WIZ: variants seen among roughly 807,000 people sequenced by gnomAD.
WIZ encodes WIZ zinc finger, also known as protein Wiz.
A neutral mutation model predicts 140.2 loss-of-function variants in WIZ; 25 were observed. That is an observed-to-expected ratio of 0.18 (90% CI 0.13 to 0.25). The LOEUF (loss-of-function observed/expected upper bound fraction) is 0.25. WIZ is among the 10% of genes least tolerant of loss of function. WIZ has a pLI of 1.00. For missense variants in WIZ, 2,231 were observed against 2,632.6 expected, an observed-to-expected ratio of 0.85 and a Z score of 3.34; for synonymous variants, 1,125 against 1,154.3, an observed-to-expected ratio of 0.97 and a Z score of 0.51.
chr19:15,441,095 T>G (rs532955373), intron 3 of WIZ, among the ~76,000 whole-genome samples: 1 of 152,222 alleles, frequency 6.6e-6, no homozygotes, highest in South Asian at 2.1e-4. Flanking sequence ...AGGCTGCTTC[T>G]GTCTTGGTTC....
At chr19:15,431,938 G>C (rs1437425968) in intron 5 of WIZ, among the ~76,000 whole-genome samples, 1 of 152,194 alleles carries the variant, frequency 6.6e-6, no homozygotes, top group Non-Finnish European at 1.5e-5. Context: ...CAAATTTAGA[G>C]TTCAGAGCAA....
Position 15,424,430 on chromosome 19 carries a change from G to A in WIZ, c.5315-52C>T. 6.3e-7 allele frequency: 1 copy of A among 1,577,266 alleles called. No homozygotes were observed. Among genetic ancestry groups the A allele is most frequent in the Non-Finnish European group, 8.6e-7 (1 of 1,164,820 alleles). On this transcript the variant is annotated intron_variant, in intron 11 of 12. Transcript: ENST00000673675. This position sits in a 1 kb window ranked among gnomAD's most constrained non-coding sequence, Gnocchi z 9.7. ...GAGTGGGAGGGGTGGATGCTGCAGA[G>A]ACTTGGAATACACAAGAGCTGAGGA...
chr19:15,425,070 A>G, intron 10 of WIZ, 38 bp from the exon 11 acceptor site: 1 of 1,523,564 alleles, frequency 6.6e-7, no homozygotes, highest in Non-Finnish European at 8.8e-7. Context: ...TCACAGCCCA[A>G]AGGGGGCAGG....
chr19:15,434,978 C>G (rs1969466601), intron 5 of WIZ, among the ~76,000 whole-genome samples: 1 of 151,964 alleles, frequency 6.6e-6, no homozygotes, highest in African/African-American at 2.4e-5. Flanking sequence ...CCTGTAATCC[C>G]AGCACTTTGG....
intron 2 of WIZ, among the ~76,000 whole-genome samples, chr19:15,445,139 T>G (rs1460568173): frequency 6.6e-6 from 1 of 152,218 alleles, no homozygotes; most frequent in Non-Finnish European, 1.5e-5. Flanking sequence ...GCAGTGGCCA[T>G]GCCAAGGGGC....
At chr19:15,441,787 T>C (rs893192633) in intron 3 of WIZ, among the ~76,000 whole-genome samples, 4 of 152,152 alleles carry the variant, frequency 2.6e-5, no homozygotes, top group Non-Finnish European at 5.9e-5. Context: ...GTGGCAAGGA[T>C]TCAGTGGGGA....
chr19:15,422,762 T>C lies in WIZ; in HGVS notation c.*314A>G, dbSNP rs562643618. On this transcript the variant is annotated 3_prime_UTR_variant, in exon 13 of 13. Coordinates refer to ENST00000673675, the MANE Select transcript of WIZ (RefSeq NM_001371589.1). ...GGCAGACATCGCCCTGCCTGGCTGC[T>C]AGACGGGGGAGTGCTGTCCTCCCCT... is the stretch of plus-strand genomic sequence containing the variant. 2.4e-6 allele frequency: 1 copy of C among 416,166 alleles called. No individual in the cohort carries two copies. Among genetic ancestry groups the C allele is most frequent in the Non-Finnish European group, 4.3e-6 (1 of 230,004 alleles). The allele number at this position is 416,166 out of a possible 1,614,324, so 25.8% of individuals were successfully genotyped here. A position where few individuals can be genotyped will look rare whatever the true frequency, so the allele number is the denominator to read the frequency against.
At chr19:15,447,966 G>T in intron 2 of WIZ, 137 bp downstream of exon 2, 1 of 1,008,618 alleles carries the variant, frequency 9.9e-7, no homozygotes. Flanking sequence ...ACTAAACAGA[G>T]TACAAAGAAA....
chr19:15,448,817 C>G (rs977275829), intron 1 of WIZ, among the ~76,000 whole-genome samples: 1 of 152,134 alleles, frequency 6.6e-6, no homozygotes. Flanking sequence ...TCCTATACAC[C>G]GTCAGGAGTC....
Position 15,428,362 on chromosome 19 carries a change from C to G in WIZ, c.3562G>C (p.Val1188Leu), listed in dbSNP as rs557094557. ...DPDAKGSPIDVLHGLIRRDGV... is the reference protein window; with the variant it reads ...DPDAKGSPIDLLHGLIRRDGV... The stretch of plus-strand genomic sequence containing the variant: ...TCCCTCCTGATGAGCCCGTGGAGCA[C>G]GTCTATGGGGGATCCCTTGGCGTCC... Residue 1188 changes from valine to leucine, a missense_variant, in exon 8 of 13, where the codon GTG (valine) becomes CTG (leucine). Physicochemically the swap from Val to Leu is conservative, Grantham distance 32 (BLOSUM62 1). Coordinates refer to ENST00000673675, the MANE Select transcript of WIZ (RefSeq NM_001371589.1). This position sits in a 1 kb window ranked among gnomAD's most constrained non-coding sequence, Gnocchi z 6.4. 9.1e-6 allele frequency: 14 copies of G among 1,535,356 alleles called. No individual in the cohort carries two copies. In the Admixed American group the frequency reaches 1.6e-4, roughly 17 times the overall value.
chr19:15,427,623 G>A lies in WIZ; in HGVS notation c.3815-90C>T. 1 of 1,373,634 alleles carries A rather than the reference G, an allele frequency of 7.3e-7. No individual in the cohort carries two copies. The highest frequency in any genetic ancestry group is 9.8e-7 in the Non-Finnish European group (1 of 1,023,282). The allele number at this position is 1,373,634 out of a possible 1,614,324, so 85.1% of individuals were successfully genotyped here. A position where few individuals can be genotyped will look rare whatever the true frequency, so the allele number is the denominator to read the frequency against. The stretch of plus-strand genomic sequence containing the variant: ...TGTCCTGGTCGGCTGGGCGTGGGCG[G>A]CAGCAGCACGCCCACAGGTTAGGGT... On this transcript the variant is annotated intron_variant, in intron 8 of 12. Coordinates refer to ENST00000673675, the MANE Select transcript of WIZ (RefSeq NM_001371589.1). The surrounding 1 kb of genome is among the most constrained non-coding windows in gnomAD (Gnocchi z 6.4).
chr19:15,431,560 AC>A (rs1334370722), intron 5 of WIZ, among the ~76,000 whole-genome samples: 1 of 152,214 alleles, frequency 6.6e-6, no homozygotes, highest in Non-Finnish European at 1.5e-5. Context: ...GGAATTCAAC[AC>A]AACACCAGGG....
rs1296117032 is a variant in WIZ at position 15,434,260 on chromosome 19, A to T, written c.2740+2546T>A. Among the ~76,000 whole-genome samples, 233 of 115,562 alleles carry T rather than the reference A, an allele frequency of 2.0e-3. 1 individual carries two copies. The highest frequency in any genetic ancestry group is 7.9e-3 in the African/African-American group (229 of 28,916). 75.8% of individuals were successfully genotyped at this position (115,562 alleles called of 152,430 possible). ...GCGACAGAGCAGGACTCCATCTTTA[A>T]AAAAAAAAAAAAAAAAAAGGGCCAG... On this transcript the variant is annotated intron_variant, in intron 5 of 12. Coordinates refer to ENST00000673675, the MANE Select transcript of WIZ (RefSeq NM_001371589.1).
rs773293838 is a variant in WIZ at position 15,425,235 on chromosome 19, G to A, written c.4894+6C>T. On this transcript the variant is annotated splice_donor_region_variant and intron_variant, in intron 10 of 12. Coordinates refer to ENST00000673675, the MANE Select transcript of WIZ (RefSeq NM_001371589.1). The stretch of plus-strand genomic sequence containing the variant: ...CCCTCCCAGGACCCTGCCGCCCGCT[G>A]CTTACAGGAGTGGGAGGTCTTCTCA... 1 of 1,570,962 alleles carries A rather than the reference G, an allele frequency of 6.4e-7. No individual in the cohort carries two copies. Among genetic ancestry groups the A allele is most frequent in the South Asian group, 1.2e-5 (1 of 85,980 alleles).
At chr19:15,437,505 A>T (rs1271546086) in intron 4 of WIZ, among the ~76,000 whole-genome samples, 1 of 152,234 alleles carries the variant, frequency 6.6e-6, no homozygotes, top group African/African-American at 2.4e-5. Context: ...TCTATAAAAA[A>T]ATTAGCTGGG....
Position 15,425,266 on chromosome 19 carries a change from G to A in WIZ, c.4869C>T (p.Thr1623=), listed in dbSNP as rs765435863. ...AGGAGTGGGAGGTCTTCTCATGAAG[G>A]GTCTTTGCCTTGAAGGGCAGTTCAG... ...IQTELPFKAK[T]LHEKTSHSST... The change falls in exon 10 of 13, where the codon ACC becomes ACT. Residue 1623 remains threonine, a synonymous_variant. Transcript: ENST00000673675. The A allele has an allele frequency of 1.9e-6, 3 of 1,589,710 alleles. No individual in the cohort carries two copies. The highest frequency in any genetic ancestry group is 2.6e-6 in the Non-Finnish European group (3 of 1,168,916).
At position 15,421,611 on chromosome 19, in the gene WIZ, TG is replaced by T. The variant is rs1428411009; in HGVS notation, c.*1464del. The T allele has an allele frequency of 6.6e-6, 1 of 152,222 alleles. No individual in the cohort carries two copies. Among genetic ancestry groups the T allele is most frequent in the African/African-American group, 2.4e-5 (1 of 41,446 alleles). The allele number at this position is 152,222 out of a possible 1,614,324, so 9.4% of individuals were successfully genotyped here. A position where few individuals can be genotyped will look rare whatever the true frequency, so the allele number is the denominator to read the frequency against. ...ATAAATAACATCGCAAAGGAGCCAG[TG>T]GCTCCTCTTTTCCCCGCATGTTCCT... On this transcript the variant is annotated 3_prime_UTR_variant, in exon 13 of 13. Transcript: ENST00000673675.
rs929521890 is a variant in WIZ at position 15,420,496 on chromosome 19, G to A, written c.*2580C>T. The A allele has an allele frequency of 6.6e-6, 1 of 152,168 alleles. No individual in the cohort carries two copies. Among genetic ancestry groups the A allele is most frequent in the African/African-American group, 2.4e-5 (1 of 41,422 alleles). 9.4% of individuals were successfully genotyped at this position (152,168 alleles called of 1,614,324 possible). A position where few individuals can be genotyped will look rare whatever the true frequency, so the allele number is the denominator to read the frequency against. ...CAGGGCCCCAGGACACGTCTTCTGC[G>A]CCCTGCAGGTTCGTTCCTTCATCGC... On this transcript the variant is annotated 3_prime_UTR_variant, in exon 13 of 13. Transcript: ENST00000673675.
rs1217699343 is a variant in WIZ at position 15,438,568 on chromosome 19, G to A, written c.2416+10C>T. On this transcript the variant is annotated intron_variant, in intron 4 of 12. Coordinates refer to ENST00000673675, the MANE Select transcript of WIZ (RefSeq NM_001371589.1). ...TGTCTCCTGGGCCTTTAAAAGTGAA[G>A]CTGCCCTACCTTTTTTCTTCTTCTT... is the stretch of plus-strand genomic sequence containing the variant. The A allele has an allele frequency of 1.3e-6, 2 of 1,488,602 alleles. No individual in the cohort carries two copies. The highest frequency in any genetic ancestry group is 1.8e-6 in the Non-Finnish European group (2 of 1,116,520). 92.2% of individuals were successfully genotyped at this position (1,488,602 alleles called of 1,614,324 possible). A position where few individuals can be genotyped will look rare whatever the true frequency, so the allele number is the denominator to read the frequency against.
Sources: allele counts gnomAD v4.1 joint callset (sites outside exome capture counted in the v4.1 genomes callset), GRCh38; gene constraint gnomAD v4.1.1; non-coding constraint Gnocchi (gnomAD v3.1); transcripts MANE v1.5; gene names NCBI Gene and HGNC (gene_info 2026-07-23, HGNC 2026-07-21).